The following DGKH variants were observed in gnomAD, a reference collection of about 807,000 sequenced individuals.
The protein encoded by DGKH is DAG kinase eta.
A neutral mutation model predicts 159.3 loss-of-function variants in DGKH; 90 were observed. That is an observed-to-expected ratio of 0.57 (90% CI 0.48 to 0.67). The LOEUF is 0.67. DGKH is among the 30% of genes least tolerant of loss of function. The pLI is 0.00. For missense variants in DGKH, 1,181 were observed against 1,506.1 expected (o/e 0.78, Z 3.57); for synonymous variants, 536 against 553.8 (o/e 0.97, Z 0.45).
chr13:42,221,817 G>A (rs1957981214), intron 29 of DGKH, among the ~76,000 whole-genome samples: 1 of 152,136 alleles, frequency 6.6e-6, no homozygotes, highest in Admixed American at 6.5e-5. Flanking sequence ...TCTAACATAT[G>A]GAATGAGAAG....
chr13:42,096,466 A>G (rs1954538310), intron 1 of DGKH, among the ~76,000 whole-genome samples: 1 of 152,214 alleles, frequency 6.6e-6, no homozygotes, highest in Admixed American at 6.5e-5. Flanking sequence ...TATATGTACC[A>G]CATTTTCTTT....
intron 1 of DGKH, among the ~76,000 whole-genome samples, chr13:42,071,589 TCTTC>T (rs1435027041): frequency 6.6e-5 from 10 of 152,260 alleles, no homozygotes; most frequent in African/African-American, 2.4e-4. Flanking sequence ...TTGCTTCTTT[TCTTC>T]CTTTGTTGCT....
intron 11 of DGKH, 103 bp downstream of exon 11, chr13:42,168,921 G>A (rs1461775171): frequency 1.6e-6 from 2 of 1,268,496 alleles, no homozygotes; most frequent in Admixed American, 2.8e-5. Flanking sequence ...TTACTGACTA[G>A]AAGCTCCACG....
Position 42,253,993 on chromosome 13 carries a change from C to CAA in DGKH, n.4127+1527_4127+1528dup, listed in dbSNP as rs199651278. ...AGCCTCAAAATTGGGAGTGGGTTAC[C>CAA]AAAAAAAAAAAAAAAAGTATATTAA... is the stretch of plus-strand genomic sequence containing the variant. On this transcript the variant is annotated intron_variant and non_coding_transcript_variant, in intron 30 of 30. Coordinates refer to the DGKH transcript ENST00000498255. Among the ~76,000 whole-genome samples the CAA allele has an allele frequency of 3.5e-3, 369 of 105,012 alleles. 1 individual carries two copies. Among genetic ancestry groups the CAA allele is most frequent in the African/African-American group, 0.01 (320 of 30,516 alleles). 68.9% of individuals were successfully genotyped at this position (105,012 alleles called of 152,430 possible). A position where few individuals can be genotyped will look rare whatever the true frequency, so the allele number is the denominator to read the frequency against.
At chr13:42,100,948 A>C (rs1954640548) in intron 1 of DGKH, among the ~76,000 whole-genome samples, 1 of 152,218 alleles carries the variant, frequency 6.6e-6, no homozygotes, top group Non-Finnish European at 1.5e-5. Flanking sequence ...CTGTGGCCTT[A>C]AGCAAGTCTT....
Position 42,155,272 on chromosome 13 carries a change from A to C in DGKH, c.385-19A>C. ...CTCTTTGGGTATTAACAATCATTAG[A>C]TTGAATTATCCCTTTCAGATCATCA... On this transcript the variant is annotated intron_variant, in intron 3 of 29. Transcript: ENST00000337343. 6.5e-7 allele frequency: 1 copy of C among 1,549,730 alleles called. No individual in the cohort carries two copies. The highest frequency in any genetic ancestry group is 8.7e-7 in the Non-Finnish European group (1 of 1,147,452).
rs1955871292 is a variant in DGKH, at chr13:42,151,167, G to A, written c.385-4124G>A. ...AATAGATTTAGAGGGTACAGGAGCA[G>A]CTTTATTACATGGATATATTGCATA... On this transcript the variant is annotated intron_variant, in intron 3 of 29. Coordinates refer to ENST00000337343, the MANE Select transcript of DGKH (RefSeq NM_178009.5). Among the ~76,000 whole-genome samples, 4 of 152,018 alleles carry A rather than the reference G, an allele frequency of 2.6e-5. No homozygotes were observed. In the South Asian group the frequency reaches 8.3e-4, roughly 32 times the overall value.
In DGKH at chr13:42,190,423, C is replaced by A; in HGVS notation, c.1933C>A (p.His645Asn). The A allele has an allele frequency of 1.9e-6, 3 of 1,608,400 alleles. No individual in the cohort carries two copies. Among genetic ancestry groups the A allele is most frequent in the South Asian group, 2.2e-5 (2 of 89,520 alleles). Reference protein sequence around the residue: ...AGKVMDDPTVHPCEPANQSSD... With the variant: ...AGKVMDDPTVNPCEPANQSSD... ...TGAAGTTATGGATGACCCGACAGTT[C>A]ACCCCTGTGAACCAGCTAATCAGTC... Residue 645 changes from histidine (H) to asparagine (N), a missense_variant, in exon 16 of 30, where the codon CAC becomes AAC. Physicochemically the swap from His to Asn is moderately conservative, Grantham distance 68 (BLOSUM62 1). Around this residue, in one of 5 missense-constraint regions of DGKH, gnomAD observed 257 missense variants for 281.5 expected, o/e 0.91. Coordinates refer to ENST00000337343, the MANE Select transcript of DGKH (RefSeq NM_178009.5).
intron 26 of DGKH, 56 bp from the exon 27 acceptor site, chr13:42,219,174 G>A (rs1403235002): frequency 1.5e-5 from 24 of 1,604,434 alleles, no homozygotes; most frequent in African/African-American, 4.0e-5. Flanking sequence ...TTTATTCTAC[G>A]TGAGGCTGGC....
At chr13:42,243,158 T>A (rs939807575), downstream of DGKH, among the ~76,000 whole-genome samples, 1 of 152,162 alleles carries the variant, frequency 6.6e-6, no homozygotes, top group Non-Finnish European at 1.5e-5. Context: ...ATGTTTCCCT[T>A]TTATAGGCAT....
chr13:42,239,000 T>C lies in DGKH; in HGVS notation c.*9812T>C, dbSNP rs1958469927. ...TATGATACAGGGAAAAGATTGGAGT[T>C]CATCACCGTGGAATTTTGATCTGTC... On this transcript the variant is annotated 3_prime_UTR_variant, in exon 30 of 30. Coordinates refer to ENST00000337343, the MANE Select transcript of DGKH (RefSeq NM_178009.5). The C allele has an allele frequency of 6.6e-6, 1 of 152,112 alleles. No individual in the cohort carries two copies. The highest frequency in any genetic ancestry group is 2.4e-5 in the African/African-American group (1 of 41,432). 9.4% of individuals were successfully genotyped at this position (152,112 alleles called of 1,614,324 possible).
At chr13:42,155,027 G>A (rs534876202) in intron 3 of DGKH, among the ~76,000 whole-genome samples, 6 of 152,080 alleles carry the variant, frequency 3.9e-5, no homozygotes, top group South Asian at 2.1e-4. Flanking sequence ...GATGTATTTC[G>A]TGGAATAAGA....
chr13:42,160,982 A>G (rs1284583842), intron 7 of DGKH, among the ~76,000 whole-genome samples: 2 of 152,210 alleles, frequency 1.3e-5, no homozygotes, highest in Non-Finnish European at 2.9e-5. Flanking sequence ...GTTAGGCCTG[A>G]TAGGTAAATC....
intron 1 of DGKH, among the ~76,000 whole-genome samples, chr13:42,103,283 T>C (rs619508): frequency 0.24 from 35,932 of 152,166 alleles, 4,817 homozygotes; most frequent in African/African-American, 0.36. Flanking sequence ...GTTATTAGGG[T>C]GGTAGTAATT....
At chr13:42,143,728 G>A (rs1489428528) in intron 3 of DGKH, among the ~76,000 whole-genome samples, 2 of 152,098 alleles carry the variant, frequency 1.3e-5, no homozygotes, top group Non-Finnish European at 2.9e-5. Flanking sequence ...TTGTATTTCT[G>A]TGGGATCAGT....
At position 42,160,570 on chromosome 13, in the gene DGKH, G is replaced by A. The variant is rs1379888363; in HGVS notation, c.855+434G>A. Among the ~76,000 whole-genome samples the A allele has an allele frequency of 2.0e-5, 3 of 152,208 alleles. No individual in the cohort carries two copies. In the South Asian group the frequency reaches 6.2e-4, roughly 31 times the overall value. ...CATGCAGCCGAACATGAAGCCAACA[G>A]CTGATTATTTATGCCAGATATGGTG... On this transcript the variant is annotated intron_variant, in intron 7 of 29. Coordinates refer to ENST00000337343, the MANE Select transcript of DGKH (RefSeq NM_178009.5).
In DGKH at chr13:42,223,752, C is replaced by T. The variant is rs189489301; in HGVS notation, c.3573+2358C>T. ...CTCCAGCTTGGGCGACAGAGCAAGA[C>T]TCTGTCTCCAAAAATGAATATATAT... On this transcript the variant is annotated intron_variant, in intron 29 of 29. Transcript: ENST00000337343. Among the ~76,000 whole-genome samples the T allele has an allele frequency of 3.8e-3, 560 of 148,018 alleles. 2 individuals are homozygous for T. The highest frequency in any genetic ancestry group is 0.013 in the African/African-American group (539 of 40,028).
At chr13:42,093,192 T>A (rs1019734416) in intron 1 of DGKH, among the ~76,000 whole-genome samples, 1 of 150,140 alleles carries the variant, frequency 6.7e-6, no homozygotes, top group Non-Finnish European at 1.5e-5. Flanking sequence ...TGCAGTGAAC[T>A]GAGATCATGC....
intron 1 of DGKH, chr13:42,070,679 C>A (rs1342655126): frequency 9.9e-6 from 16 of 1,612,070 alleles, no homozygotes; most frequent in Non-Finnish European, 1.4e-5. Flanking sequence ...TACTTGAGCC[C>A]CCGTAGCAGC....
Sources: allele counts gnomAD v4.1 joint callset (sites outside exome capture counted in the v4.1 genomes callset), GRCh38; gene constraint gnomAD v4.1.1; regional missense constraint gnomAD v4.1.1; transcripts MANE v1.5; gene names NCBI Gene and HGNC (gene_info 2026-07-23, HGNC 2026-07-21).